The following DDX3X variants were observed in gnomAD, a reference collection of about 807,000 sequenced individuals.
The protein encoded by DDX3X is DEAD-box helicase 3 X-linked.
In DDX3X, 4 loss-of-function variants were observed where a neutral mutation model predicts 52.7. The observed-to-expected ratio is 0.08, with a 90% CI of 0.04 to 0.17. The LOEUF (loss-of-function observed/expected upper bound fraction) is 0.17, where lower values mean the gene tolerates loss of function less well. DDX3X is among the 10% of genes least tolerant of loss of function. The probability of loss-of-function intolerance (pLI) is 1.00; values close to 1 mark genes in which losing one functional copy is unlikely to be tolerated. For missense variants in DDX3X, 222 were observed against 548.6 expected (o/e 0.40, Z 5.95); for synonymous variants, 192 against 178.1 (o/e 1.08, Z -0.62).
chrX:41,352,142 A>T (rs762840545), downstream of DDX3X, among the ~76,000 whole-genome samples: 1 of 111,660 alleles, frequency 9.0e-6, no homozygotes, highest in East Asian at 2.8e-4. Context: ...AAAATGAGAT[A>T]CTATCTCCTC....
At chrX:41,358,365 C>T (rs1310303679) in intron 5 of DDX3X, among the ~76,000 whole-genome samples, 2 of 110,289 alleles carry the variant, frequency 1.8e-5, no homozygotes, top group African/African-American at 3.3e-5. Flanking sequence ...TGTGAGCCAC[C>T]GTGCCTGGTC....
At chrX:41,360,401 T>C (rs1355176143) in intron 5 of DDX3X, among the ~76,000 whole-genome samples, 1 of 108,482 alleles carries the variant, frequency 9.2e-6, no homozygotes, top group South Asian at 4.1e-4. Flanking sequence ...AGAAGCTTTC[T>C]GTTTCCTCCT....
intron 4 of DDX3X, 194 bp from the exon 5 acceptor site, chrX:41,342,301 T>G (rs2063862589): frequency 2.3e-6 from 1 of 435,887 alleles, no homozygotes; most frequent in Admixed American, 4.5e-5. Context: ...ATGTAAAGAT[T>G]ACTGATTTTA....
At chrX:41,353,700 G>T (rs1390248140), downstream of DDX3X, among the ~76,000 whole-genome samples, 1 of 107,796 alleles carries the variant, frequency 9.3e-6, no homozygotes, top group Non-Finnish European at 1.9e-5. Context: ...GAACCTGGGA[G>T]GTGGAGGTTG....
chrX:41,360,401 T>G (rs1355176143), intron 5 of DDX3X, among the ~76,000 whole-genome samples: 4 of 108,480 alleles, frequency 3.7e-5, no homozygotes, highest in Non-Finnish European at 5.8e-5. Context: ...AGAAGCTTTC[T>G]GTTTCCTCCT....
chrX:41,350,774 A>AATAAGAC (rs753783860), downstream of DDX3X: 1 of 111,841 alleles, frequency 8.9e-6, no homozygotes, highest in African/African-American at 3.2e-5. Flanking sequence ...GAAAACAGGT[A>AATAAGAC]ATAAGACATC....
chrX:41,338,314 T>G (rs2063800032), intron 2 of DDX3X: 1 of 111,803 alleles, frequency 8.9e-6, no homozygotes, highest in Non-Finnish European at 1.9e-5. Context: ...TTGCTTTAAC[T>G]TTCACCTTAT....
At chrX:41,346,066 A>G (rs1233542339) in intron 12 of DDX3X, among the ~76,000 whole-genome samples, 163 bp from the exon 13 acceptor site, 1 of 111,059 alleles carries the variant, frequency 9.0e-6, no homozygotes, top group Non-Finnish European at 1.9e-5. Context: ...TATTTGGATT[A>G]CCTTTATTAC....
At position 41,344,343 on chromosome X, in the gene DDX3X, T is replaced by C. The variant is rs368366114; in HGVS notation, c.969T>C (p.Thr323=). 1.3e-4 allele frequency: 162 copies of C among 1,210,468 alleles called. No individual in the cohort carries two copies. The African/African-American group carries it at 2.6e-3, about 19-fold the overall frequency. The change falls in exon 10 of 17, where the codon ACT becomes ACC. Residue 323 remains threonine, a synonymous_variant. Coordinates refer to ENST00000644876, the MANE Select transcript of DDX3X (RefSeq NM_001356.5). ...LERGCHLLVA[T]PGRLVDMMER... ...GTGGATGCCATTTGTTAGTAGCCAC[T>C]CCAGGACGTCTAGTGGATATGATGG...
chrX:41,344,195 A>G (rs2063890971), intron 9 of DDX3X, 44 bp from the exon 10 acceptor site: 1 of 1,195,937 alleles, frequency 8.4e-7, no homozygotes, highest in Middle Eastern at 2.3e-4. Flanking sequence ...ATGAACATGT[A>G]AAAATTTTGA....
At chrX:41,336,216 T>C (rs1025473146) in intron 1 of DDX3X, 1 of 112,248 alleles carries the variant, frequency 8.9e-6, no homozygotes, top group African/African-American at 3.2e-5. Context: ...ACTTGGTCTT[T>C]TGTGGCTTTT....
intron 1 of DDX3X, chrX:41,336,225 T>A (rs1016295767): frequency 1.8e-5 from 2 of 112,187 alleles, no homozygotes; most frequent in African/African-American, 6.5e-5. Context: ...TTTGTGGCTT[T>A]TTTGAGAAAA....
At chrX:41,353,337 A>G (rs1185604085), downstream of DDX3X, among the ~76,000 whole-genome samples, 3 of 106,308 alleles carry the variant, frequency 2.8e-5, no homozygotes, top group African/African-American at 1.0e-4. Context: ...GCAAGGTGGC[A>G]GGCACCTGTA....
intron 1 of DDX3X, 200 bp downstream of exon 1, chrX:41,334,497 GT>G: frequency 9.1e-7 from 1 of 1,097,554 alleles, no homozygotes; most frequent in South Asian, 2.2e-5. Context: ...TCGGCCCGCT[GT>G]ATTGTCCCCG....
At chrX:41,339,346 A>T (rs2063815321) in intron 3 of DDX3X, 1 of 159,099 alleles carries the variant, frequency 6.3e-6, no homozygotes, top group Admixed American at 8.2e-5. Flanking sequence ...TGTTGTGCTG[A>T]ATCTGTTTGT....
intron 4 of DDX3X, 189 bp downstream of exon 4, chrX:41,341,805 A>G (rs1307911625): frequency 2.6e-6 from 1 of 380,051 alleles, no homozygotes; most frequent in East Asian, 4.4e-5. Flanking sequence ...GCTCATTGGC[A>G]TAATGAAATG....
At chrX:41,339,769 A>G (rs1166001398) in intron 3 of DDX3X, 1 of 111,527 alleles carries the variant, frequency 9.0e-6, no homozygotes, top group Non-Finnish European at 1.9e-5. Context: ...GAAGGCAGAT[A>G]GGAAGAGTGG....
chrX:41,341,009 G>T (rs979006620), intron 3 of DDX3X: 5 of 239,506 alleles, frequency 2.1e-5, no homozygotes, highest in Non-Finnish European at 3.7e-5. Context: ...TGAGACAAGG[G>T]TGTTTCACTC....
chrX:41,334,986 C>A (rs1217612735), intron 1 of DDX3X: 1 of 116,231 alleles, frequency 8.6e-6, no homozygotes, highest in Admixed American at 1.0e-4. Context: ...TCCGCAGGGT[C>A]CGGGGGCCCT....
Sources: gnomAD v4.1 joint callset for allele counts (sites outside exome capture counted in the v4.1 genomes callset) on GRCh38, gnomAD v4.1.1 for gene constraint, MANE v1.5 for transcripts, NCBI Gene and HGNC (gene_info 2026-07-23, HGNC 2026-07-21) for gene names.